The following DCDC1 variants were observed in gnomAD, a reference collection of about 807,000 sequenced individuals.
The protein encoded by DCDC1 is doublecortin domain containing 1.
In DCDC1, 200 loss-of-function variants were observed where a neutral mutation model predicts 178.3. The ratio of observed to expected loss-of-function variants is 1.12; its 90% CI spans 1.00 to 1.26. The LOEUF (loss-of-function observed/expected upper bound fraction) is 1.26, where lower values mean the gene tolerates loss of function less well. Ranked by LOEUF, DCDC1 falls within the 50% of genes most tolerant of loss-of-function variation. The probability of loss-of-function intolerance (pLI) is 0.00; values close to 1 mark genes in which losing one functional copy is unlikely to be tolerated. For missense variants in DCDC1, 1,983 were observed against 1,749.2 expected (o/e 1.13, Z -2.38); for synonymous variants, 690 against 604.8 (o/e 1.14, Z -2.07).
rs544566653 is a variant in DCDC1, at chr11:31,233,250, T to G, written c.1221+8200A>C. On this transcript the variant is annotated intron_variant, in intron 9 of 38. Coordinates refer to ENST00000684477, the MANE Select transcript of DCDC1 (RefSeq NM_001387274.1). ...ATTCTATTCATGCTAGTCTTTCTTT[T>G]AAGTTCCCATAATACATAGAATCTG... is the stretch of plus-strand genomic sequence containing the variant. Among the ~76,000 whole-genome samples, 4 of 152,362 alleles carry G rather than the reference T, an allele frequency of 2.6e-5. No individual in the cohort carries two copies. The East Asian group carries it at 7.7e-4, about 29-fold the overall frequency.
In DCDC1 at chr11:31,046,141, C is replaced by T. The variant is rs113826414; in HGVS notation, c.2591+18328G>A. ...CCACGTTGCTTGCCCCTGGAAACCA[C>T]TAACCTGTTCTCCATCTCTATAATT... On this transcript the variant is annotated intron_variant, in intron 20 of 38. Coordinates refer to ENST00000684477, the MANE Select transcript of DCDC1 (RefSeq NM_001387274.1). 4.3e-3 allele frequency among the ~76,000 whole-genome samples: 654 copies of T among 152,288 alleles called. 2 individuals carry two copies. The highest frequency in any genetic ancestry group is 0.015 in the African/African-American group (625 of 41,568).
At chr11:31,121,891 T>G (rs577628199) in intron 11 of DCDC1, among the ~76,000 whole-genome samples, 79 of 152,296 alleles carry the variant, frequency 5.2e-4, no homozygotes, top group African/African-American at 1.9e-3. Context: ...TTACTAGGGC[T>G]ATGTAAGCTA....
chr11:30,963,939 C>T (rs1013354186), intron 20 of DCDC1, among the ~76,000 whole-genome samples: 2 of 152,108 alleles, frequency 1.3e-5, no homozygotes, highest in South Asian at 2.1e-4. Flanking sequence ...AAGTCATATC[C>T]TTCCTAATTC....
intron 20 of DCDC1, among the ~76,000 whole-genome samples, chr11:31,018,855 G>C (rs1952672059): frequency 6.6e-6 from 1 of 152,122 alleles, no homozygotes; most frequent in Non-Finnish European, 1.5e-5. Context: ...CTAAGATGTT[G>C]GCAAATGAGC....
intron 9 of DCDC1, among the ~76,000 whole-genome samples, chr11:31,158,070 A>G (rs1418078553): frequency 1.3e-5 from 2 of 151,808 alleles, no homozygotes; most frequent in African/African-American, 4.8e-5. Context: ...CTCTCTTAGC[A>G]ATTTTCAAAT....
At chr11:31,227,121 A>C (rs1235581593) in intron 9 of DCDC1, among the ~76,000 whole-genome samples, 2 of 152,178 alleles carry the variant, frequency 1.3e-5, no homozygotes, top group Admixed American at 6.6e-5. Flanking sequence ...TATAGCTAAT[A>C]AGCTTATGGT....
chr11:31,063,027 A>G (rs1956039332), intron 20 of DCDC1, among the ~76,000 whole-genome samples: 1 of 146,340 alleles, frequency 6.8e-6, no homozygotes, highest in African/African-American at 2.5e-5. Context: ...AACCCCATCA[A>G]AAAGTGGGCA....
At chr11:30,915,429 T>A (rs1053072594) in intron 27 of DCDC1, 82 bp downstream of exon 27, 8 of 1,463,344 alleles carry the variant, frequency 5.5e-6, no homozygotes, top group Non-Finnish European at 7.6e-6. Context: ...ATATAGTTCA[T>A]CTTGTTCTGT....
At chr11:31,210,723 AAAAG>A (rs961369594) in intron 9 of DCDC1, among the ~76,000 whole-genome samples, 5 of 151,868 alleles carry the variant, frequency 3.3e-5, no homozygotes, top group South Asian at 2.1e-4. Context: ...AAAAAAAAAA[AAAAG>A]AAAGAAAGGA....
chr11:31,146,073 C>CTTT (rs35032604), intron 9 of DCDC1, among the ~76,000 whole-genome samples: 5 of 136,820 alleles, frequency 3.7e-5, no homozygotes, highest in East Asian at 2.2e-4. Context: ...TTAATCCAGT[C>CTTT]TTTTTTTTTT....
At chr11:31,129,778 A>T (rs934731427) in intron 10 of DCDC1, among the ~76,000 whole-genome samples, 1 of 151,826 alleles carries the variant, frequency 6.6e-6, no homozygotes, top group African/African-American at 2.4e-5. Flanking sequence ...CCATTAGGTC[A>T]CCTCCACCAA....
chr11:31,088,134 C>G (rs1037463086), intron 17 of DCDC1, among the ~76,000 whole-genome samples: 51 of 151,894 alleles, frequency 3.4e-4, no homozygotes, highest in African/African-American at 1.2e-3. Context: ...TCCATTCTTA[C>G]TTTCTTTGTA....
chr11:31,222,869 G>A (rs28535001), intron 9 of DCDC1, among the ~76,000 whole-genome samples: 40,024 of 151,956 alleles, frequency 0.26, 5,427 homozygotes, highest in African/African-American at 0.32. Flanking sequence ...GTCACATCAG[G>A]GGGATAGGAC....
intron 20 of DCDC1, among the ~76,000 whole-genome samples, chr11:30,961,838 C>G (rs893832478): frequency 4.6e-5 from 7 of 151,900 alleles, no homozygotes; most frequent in Non-Finnish European, 8.8e-5. Flanking sequence ...AATAGCCCAT[C>G]AAAATTCCAT....
intron 20 of DCDC1, among the ~76,000 whole-genome samples, chr11:31,049,292 AC>A (rs1360580127): frequency 6.6e-6 from 1 of 152,190 alleles, no homozygotes; most frequent in African/African-American, 2.4e-5. Context: ...AATTTGCCCA[AC>A]CCAAGTCAGA....
chr11:31,243,152 G>T (rs1172491590), intron 8 of DCDC1, among the ~76,000 whole-genome samples: 3 of 151,308 alleles, frequency 2.0e-5, no homozygotes, highest in African/African-American at 7.3e-5. Flanking sequence ...TATTATAAAA[G>T]CAATAAAAAT....
intron 20 of DCDC1, among the ~76,000 whole-genome samples, chr11:30,954,477 C>T (rs1190950095): frequency 6.6e-6 from 1 of 152,132 alleles, no homozygotes; most frequent in African/African-American, 2.4e-5. Flanking sequence ...ATACAGAAAA[C>T]TAGTTAATTC....
intron 18 of DCDC1, among the ~76,000 whole-genome samples, chr11:31,069,540 A>G (rs1029169529): frequency 6.6e-6 from 1 of 152,216 alleles, no homozygotes; most frequent in Non-Finnish European, 1.5e-5. Context: ...TGTTTTCAAT[A>G]TGAGAGAAAA....
chr11:31,096,305 A>G (rs1958148526), intron 15 of DCDC1, among the ~76,000 whole-genome samples: 2 of 152,318 alleles, frequency 1.3e-5, no homozygotes, highest in Admixed American at 1.3e-4. Context: ...ACATTGTACT[A>G]ATCCATTTGC....
Sources: allele counts gnomAD v4.1 joint callset (sites outside exome capture counted in the v4.1 genomes callset), GRCh38; gene constraint gnomAD v4.1.1; transcripts MANE v1.5; gene names NCBI Gene and HGNC (gene_info 2026-07-23, HGNC 2026-07-21).